The following PRELID2 variants were observed in gnomAD, a reference collection of about 807,000 sequenced individuals.
PRELID2 encodes PRELI domain-containing protein 2.
In PRELID2, 25 loss-of-function variants were observed where a neutral mutation model predicts 28.4. The observed-to-expected ratio is 0.88, with a 90% CI of 0.64 to 1.23. PRELID2 has a LOEUF of 1.23. PRELID2 is among the 50% of genes most tolerant of loss of function. The probability of loss-of-function intolerance (pLI) is 0.00; values close to 1 mark genes in which losing one functional copy is unlikely to be tolerated. For missense variants in PRELID2, 201 were observed against 214.4 expected, an observed-to-expected ratio of 0.94 and a Z score of 0.39; for synonymous variants, 76 against 71.6, an observed-to-expected ratio of 1.06 and a Z score of -0.31.
chr5:145,306,692 TTATAA>T, the PRELID2 span, among the ~76,000 whole-genome samples: 1 of 152,048 alleles, frequency 6.6e-6, no homozygotes, highest in Non-Finnish European at 1.5e-5. Context: ...AAAATCTTGA[TTATAA>T]TAATATAACT....
chr5:145,389,630 G>T, the PRELID2 span, among the ~76,000 whole-genome samples: 1 of 152,080 alleles, frequency 6.6e-6, no homozygotes, highest in Non-Finnish European at 1.5e-5. Flanking sequence ...CAGTCCAAAT[G>T]AATTGAAATT....
At position 145,484,769 on chromosome 5, in the gene PRELID2, G is replaced by A. The variant is rs572577793; in HGVS notation, n.71-11454C>T. Among the ~76,000 whole-genome samples, 4 of 152,202 alleles carry A rather than the reference G, an allele frequency of 2.6e-5. No individual in the cohort carries two copies. In the East Asian group the frequency reaches 7.7e-4, roughly 29 times the overall value. Reference sequence around the variant, plus strand: ...AAAAACTACCTCTTTTAGCCAACAAGGAGTTCACTTAATGTTCATTATCTG... The same window carrying A: ...AAAAACTACCTCTTTTAGCCAACAAAGAGTTCACTTAATGTTCATTATCTG... On this transcript the variant is annotated intron_variant and non_coding_transcript_variant, in intron 1 of 2. Transcript: ENST00000510259.
chr5:145,715,443 A>G lies in PRELID2; in HGVS notation n.70+49488T>C, dbSNP rs532578013. ...TTTCTAACTGATCTCCCTGATTCCA[A>G]TCTTACTAAAATCCATTTTCTGCAG... On this transcript the variant is annotated intron_variant and non_coding_transcript_variant, in intron 1 of 2. Coordinates refer to the PRELID2 transcript ENST00000510259. Among the ~76,000 whole-genome samples the G allele has an allele frequency of 5.9e-5, 9 of 152,174 alleles. 1 individual carries two copies. Among genetic ancestry groups the G allele is most frequent in the African/African-American group, 1.9e-4 (8 of 41,530 alleles).
chr5:145,690,903 C>T (rs1288984962), intron 1 of PRELID2, among the ~76,000 whole-genome samples: 1 of 151,932 alleles, frequency 6.6e-6, no homozygotes, highest in Non-Finnish European at 1.5e-5. Context: ...ATTGTTCAGC[C>T]TCACTAGCAA....
intron 1 of PRELID2, among the ~76,000 whole-genome samples, chr5:145,660,872 A>G (rs985299845): frequency 4.6e-5 from 7 of 152,228 alleles, no homozygotes; most frequent in African/African-American, 1.7e-4. Context: ...CTAAATTAAT[A>G]TATTACCGCT....
At chr5:145,589,449 C>T (rs1012263214) in intron 1 of PRELID2, among the ~76,000 whole-genome samples, 8 of 151,832 alleles carry the variant, frequency 5.3e-5, no homozygotes, top group African/African-American at 1.5e-4. Context: ...ACCACACTCT[C>T]GGTAGAATTG....
At chr5:145,787,699 C>T (rs917368189) in intron 5 of PRELID2, among the ~76,000 whole-genome samples, 14 of 151,946 alleles carry the variant, frequency 9.2e-5, no homozygotes, top group African/African-American at 3.4e-4. Flanking sequence ...AACAACATGC[C>T]CAGATAATTG....
At chr5:145,415,376 C>T in the PRELID2 span, among the ~76,000 whole-genome samples, 1 of 151,624 alleles carries the variant, frequency 6.6e-6, no homozygotes, top group African/African-American at 2.4e-5. Flanking sequence ...TGGTGTGCTG[C>T]ACCCATTAAC....
At chr5:145,512,954 G>A (rs996909783) in intron 1 of PRELID2, among the ~76,000 whole-genome samples, 66 of 152,174 alleles carry the variant, frequency 4.3e-4, no homozygotes, top group Middle Eastern at 3.4e-3. Flanking sequence ...CAACAAAAAG[G>A]ACGTCCACAC....
chr5:145,365,343 A>T, the PRELID2 span, among the ~76,000 whole-genome samples: 1 of 151,980 alleles, frequency 6.6e-6, no homozygotes, highest in Non-Finnish European at 1.5e-5. Flanking sequence ...TCATCCTACA[A>T]TGCAAACATA....
the PRELID2 span, among the ~76,000 whole-genome samples, chr5:145,247,996 G>A: frequency 6.6e-6 from 1 of 152,122 alleles, no homozygotes. Flanking sequence ...TTGGAGAGTA[G>A]CTAGAGTCAC....
At chr5:145,734,474 G>C (rs1179320742) in intron 1 of PRELID2, among the ~76,000 whole-genome samples, 1 of 152,160 alleles carries the variant, frequency 6.6e-6, no homozygotes, top group African/African-American at 2.4e-5. Flanking sequence ...ACTGGTTTGG[G>C]AACTAATGCA....
the PRELID2 span, among the ~76,000 whole-genome samples, chr5:145,350,764 T>G: frequency 6.6e-6 from 1 of 152,150 alleles, no homozygotes; most frequent in East Asian, 1.9e-4. Flanking sequence ...ATATGTAAGA[T>G]TCCTGTGCTC....
chr5:145,304,772 A>G, the PRELID2 span, among the ~76,000 whole-genome samples: 1 of 152,062 alleles, frequency 6.6e-6, no homozygotes, highest in African/African-American at 2.4e-5. Context: ...TCACCCTCCC[A>G]CTTAAAGATT....
intron 4 of PRELID2, among the ~76,000 whole-genome samples, chr5:145,800,247 G>A (rs1753038797): frequency 1.3e-5 from 2 of 150,160 alleles, no homozygotes; most frequent in South Asian, 4.2e-4. Context: ...ACAATAAAAG[G>A]AAGCCTTCAG....
the PRELID2 span, among the ~76,000 whole-genome samples, chr5:145,269,962 A>G: frequency 6.6e-6 from 1 of 150,844 alleles, no homozygotes; most frequent in Non-Finnish European, 1.5e-5. Context: ...ATACTAAAAG[A>G]AGACATAAAT....
the PRELID2 span, among the ~76,000 whole-genome samples, chr5:145,291,106 G>A: frequency 6.0e-4 from 91 of 151,802 alleles, 1 homozygote; most frequent in Admixed American, 1.5e-3. Context: ...TTGGGAGGCT[G>A]AGGTGGGTGG....
chr5:145,750,954 T>C (rs1455206191), intron 1 of PRELID2, among the ~76,000 whole-genome samples: 2 of 152,232 alleles, frequency 1.3e-5, no homozygotes, highest in African/African-American at 4.8e-5. Flanking sequence ...GATTAAACAC[T>C]GTAGACTGAC....
the PRELID2 span, among the ~76,000 whole-genome samples, chr5:145,341,007 T>C: frequency 2.6e-5 from 4 of 151,614 alleles, no homozygotes; most frequent in African/African-American, 7.3e-5. Context: ...TGTTGACAGC[T>C]GAAGAAATCA....
Sources: allele counts gnomAD v4.1 joint callset (sites outside exome capture counted in the v4.1 genomes callset), GRCh38; gene constraint gnomAD v4.1.1; transcripts MANE v1.5; gene names NCBI Gene and HGNC (gene_info 2026-07-23, HGNC 2026-07-21).